VAV1: variants seen among roughly 807,000 people sequenced by gnomAD.
VAV1 encodes vav guanine nucleotide exchange factor 1, also known as proto-oncogene vav.
In VAV1, 33 loss-of-function variants were observed where a neutral mutation model predicts 128.1. The ratio of observed to expected loss-of-function variants is 0.26; its 90% CI spans 0.20 to 0.34. The LOEUF (loss-of-function observed/expected upper bound fraction) is 0.34, where lower values mean the gene tolerates loss of function less well. VAV1 is among the 10% of genes least tolerant of loss of function. VAV1 has a pLI of 1.00. For missense variants in VAV1, 715 were observed against 1,093.7 expected (o/e 0.65, Z 4.88); for synonymous variants, 394 against 409.8 (o/e 0.96, Z 0.47).
In VAV1 at chr19:6,853,826, T is replaced by A. The variant is rs527861166; in HGVS notation, c.2333-121T>A. The A allele has an allele frequency of 1.3e-4, 161 of 1,282,120 alleles. 1 individual carries two copies. In the East Asian group the frequency reaches 3.7e-3, roughly 29 times the overall value. The allele number at this position is 1,282,120 out of a possible 1,614,324, so 79.4% of individuals were successfully genotyped here. ...TTACAGTACAGGGCATCTAATACTC[T>A]GCAGAAAAGAGCACTGAGGAGCCCT... On this transcript the variant is annotated intron_variant, in intron 25 of 26. Transcript: ENST00000602142.
In VAV1 at chr19:6,828,322, C is replaced by T. The variant is rs940871327; in HGVS notation, c.1024-97C>T. The T allele has an allele frequency of 3.2e-6, 5 of 1,552,260 alleles. No homozygotes were observed. The highest frequency in any genetic ancestry group is 2.3e-5 in the East Asian group (1 of 44,410). ...GTCTCAGCCTCCAGGGTCAGCAGTA[C>T]GATGGAGGAGCTGGTGAGCTAGCAT... is the stretch of plus-strand genomic sequence containing the variant. On this transcript the variant is annotated intron_variant, in intron 10 of 26. Transcript: ENST00000602142. This position sits in a 1 kb window ranked among gnomAD's most constrained non-coding sequence, Gnocchi z 4.5.
intron 1 of VAV1, among the ~76,000 whole-genome samples, chr19:6,788,838 A>T (rs1325326913): frequency 6.6e-6 from 1 of 152,152 alleles, no homozygotes; most frequent in Non-Finnish European, 1.5e-5. Flanking sequence ...GAGGAAACTG[A>T]GGAACTGTTA....
At chr19:6,807,751 G>C (rs28835675) in intron 1 of VAV1, among the ~76,000 whole-genome samples, 103,691 of 151,632 alleles carry the variant, frequency 0.68, 38,522 homozygotes, top group East Asian at 0.83. Flanking sequence ...CCAGCACTTT[G>C]GGAGGCCAAG....
rs188712393 is a variant in VAV1, at chr19:6,815,832, G to A, written c.205-4870G>A. 1.7e-3 allele frequency among the ~76,000 whole-genome samples: 260 copies of A among 152,156 alleles called. 1 individual carries two copies. Among genetic ancestry groups the A allele is most frequent in the African/African-American group, 5.8e-3 (241 of 41,526 alleles). On this transcript the variant is annotated intron_variant, in intron 1 of 26. Coordinates refer to ENST00000602142, the MANE Select transcript of VAV1 (RefSeq NM_005428.4). Reference sequence around the variant, plus strand: ...GCAGCATGCTGAAAATTGAGAGCATGGTGGGTGGAAGCTCATGCTAGCTTC... The same window carrying A: ...GCAGCATGCTGAAAATTGAGAGCATAGTGGGTGGAAGCTCATGCTAGCTTC...
chr19:6,802,048 GTTTGTT>G, intron 1 of VAV1, among the ~76,000 whole-genome samples: 1 of 151,882 alleles, frequency 6.6e-6, no homozygotes, highest in East Asian at 1.9e-4. Context: ...CCTCTCCTAC[GTTTGTT>G]TAAAGGACCA....
At chr19:6,773,121 G>C (rs758276149) in intron 1 of VAV1, 110 bp downstream of exon 1, 4 of 1,416,886 alleles carry the variant, frequency 2.8e-6, no homozygotes, top group Non-Finnish European at 2.9e-6. Context: ...CAAAGGAGAG[G>C]GAATATGCTT....
intron 21 of VAV1, among the ~76,000 whole-genome samples, chr19:6,840,157 T>C (rs1224223798): frequency 6.6e-6 from 1 of 152,210 alleles, no homozygotes; most frequent in Non-Finnish European, 1.5e-5. Flanking sequence ...ATTCACATTC[T>C]ACTCTTGAGC....
rs1200702354 is a variant in VAV1 at position 6,820,939 on chromosome 19, AC to A, written c.321+122del. 4.7e-5 allele frequency: 43 copies of A among 911,940 alleles called. No homozygotes were observed. The East Asian group carries it at 1.0e-3, about 22-fold the overall frequency. 56.5% of individuals were successfully genotyped at this position (911,940 alleles called of 1,614,324 possible). The stretch of plus-strand genomic sequence containing the variant: ...CAAGCCAGACCAGGCCATATACAAG[AC>A]GCAAATAGCACTGGCTTGGGATATG... On this transcript the variant is annotated intron_variant, in intron 2 of 26. Transcript: ENST00000602142. The surrounding 1 kb of genome is among the most constrained non-coding windows in gnomAD (Gnocchi z 4.4).
At chr19:6,844,619 A>G (rs1242202297) in intron 22 of VAV1, among the ~76,000 whole-genome samples, 3 of 152,106 alleles carry the variant, frequency 2.0e-5, no homozygotes, top group Admixed American at 6.6e-5. Flanking sequence ...AGAAGAGGAA[A>G]TTGAGGCCCA....
chr19:6,813,606 C>A (rs73484417), intron 1 of VAV1, among the ~76,000 whole-genome samples: 14 of 152,002 alleles, frequency 9.2e-5, no homozygotes, highest in South Asian at 6.2e-4. Flanking sequence ...TTTATTTTCC[C>A]TCTGTAGGAG....
chr19:6,828,778 TG>T lies in VAV1; in HGVS notation c.1180-34del, dbSNP rs66822319. On this transcript the variant is annotated intron_variant, in intron 12 of 26. Transcript: ENST00000602142. This position sits in a 1 kb window ranked among gnomAD's most constrained non-coding sequence, Gnocchi z 4.5. ...GAGAGTGTGTGTCTGGCTCCTTTCTTGGGAGACCCTTGCTAGACCCCCTGCC... is the reference window on the plus strand; with the variant it reads ...GAGAGTGTGTGTCTGGCTCCTTTCTTGGAGACCCTTGCTAGACCCCCTGCC... 19,956 of 1,614,016 alleles carry T rather than the reference TG, an allele frequency of 0.012. 157 individuals carry two copies. Among genetic ancestry groups the T allele is most frequent in the African/African-American group, 0.022 (1,628 of 74,978 alleles).
intron 21 of VAV1, among the ~76,000 whole-genome samples, 158 bp downstream of exon 21, chr19:6,837,208 A>G (rs1972244789): frequency 1.3e-5 from 2 of 152,132 alleles, no homozygotes; most frequent in Admixed American, 1.3e-4. Context: ...CCACCAACTG[A>G]GCCCAGAGAG....
chr19:6,817,976 A>G (rs146561902), intron 1 of VAV1, among the ~76,000 whole-genome samples: 4,011 of 152,158 alleles, frequency 0.026, 113 homozygotes, highest in African/African-American at 0.073. Context: ...ATGAGCCACC[A>G]CGCCCAGCCT....
At chr19:6,847,191 C>T (rs1260234681) in intron 22 of VAV1, among the ~76,000 whole-genome samples, 4 of 152,138 alleles carry the variant, frequency 2.6e-5, no homozygotes, top group Admixed American at 6.6e-5. Context: ...GGATTACAGG[C>T]GTGAGCCACA....
At chr19:6,831,694 C>T (rs1686365942) in intron 14 of VAV1, among the ~76,000 whole-genome samples, 1 of 152,194 alleles carries the variant, frequency 6.6e-6, no homozygotes, top group South Asian at 2.1e-4. Context: ...TCCGTCTCTC[C>T]TACCAGGCTG....
intron 1 of VAV1, among the ~76,000 whole-genome samples, chr19:6,806,398 A>T (rs1971398017): frequency 6.6e-6 from 1 of 152,060 alleles, no homozygotes; most frequent in African/African-American, 2.4e-5. Flanking sequence ...AATTTTTTTT[A>T]ATGAAAATAA....
In VAV1 at chr19:6,829,663, T is replaced by C. The variant is rs558071448; in HGVS notation, c.1266-123T>C. 21 of 1,461,528 alleles carry C rather than the reference T, an allele frequency of 1.4e-5. No homozygotes were observed. The Admixed American group carries it at 3.1e-4, about 22-fold the overall frequency. 90.5% of individuals were successfully genotyped at this position (1,461,528 alleles called of 1,614,324 possible). On this transcript the variant is annotated intron_variant, in intron 13 of 26. Coordinates refer to ENST00000602142, the MANE Select transcript of VAV1 (RefSeq NM_005428.4). ...TGAAGTCAGGATGGACAGGTGGGCA[T>C]GGCCAAGTTGGCCAAGGAGGAGGAG...
At position 6,822,084 on chromosome 19, in the gene VAV1, G is replaced by T; in HGVS notation, c.450-137G>T. ...GGACATGGCCCTGCCCTGGAGCTTGGAGGGACATGGCCTGCCCTTGGAGTC... is the reference window on the plus strand; with the variant it reads ...GGACATGGCCCTGCCCTGGAGCTTGTAGGGACATGGCCTGCCCTTGGAGTC... On this transcript the variant is annotated intron_variant, in intron 4 of 26. Coordinates refer to ENST00000602142, the MANE Select transcript of VAV1 (RefSeq NM_005428.4). The surrounding 1 kb of genome is among the most constrained non-coding windows in gnomAD (Gnocchi z 5.9). 1 of 1,016,496 alleles carries T rather than the reference G, an allele frequency of 9.8e-7. No homozygotes were observed. The allele number at this position is 1,016,496 out of a possible 1,614,324, so 63.0% of individuals were successfully genotyped here. A position where few individuals can be genotyped will look rare whatever the true frequency, so the allele number is the denominator to read the frequency against.
chr19:6,829,223 G>A (rs1308440066), intron 13 of VAV1, among the ~76,000 whole-genome samples: 2 of 151,872 alleles, frequency 1.3e-5, no homozygotes, highest in Non-Finnish European at 2.9e-5. Context: ...GCAAGGTGGG[G>A]GCCAGGCTCC....
Sources: allele counts gnomAD v4.1 joint callset (sites outside exome capture counted in the v4.1 genomes callset), GRCh38; gene constraint gnomAD v4.1.1; non-coding constraint Gnocchi (gnomAD v3.1); transcripts MANE v1.5; gene names NCBI Gene and HGNC (gene_info 2026-07-23, HGNC 2026-07-21).